STUM: variants seen among roughly 807,000 people sequenced by gnomAD.
STUM encodes the protein stum, mechanosensory transduction mediator homolog, also known as protein stum homolog.
A neutral mutation model predicts 15.3 loss-of-function variants in STUM; 8 were observed. The ratio of observed to expected loss-of-function variants is 0.52; its 90% CI spans 0.31 to 0.94. STUM has a LOEUF of 0.94. Among genes scored for constraint, STUM ranks in the 40% least tolerant of loss-of-function variants. The pLI, the probability that STUM is intolerant of heterozygous loss-of-function variation, is 0.05. For synonymous variants in STUM, 78 were observed against 88.7 expected (o/e 0.88, Z 0.68); for missense variants, 142 against 204.9 (o/e 0.69, Z 1.87).
chr1:226,564,133 C>G (rs1667584626), intron 1 of STUM, among the ~76,000 whole-genome samples: 1 of 152,194 alleles, frequency 6.6e-6, no homozygotes, highest in South Asian at 2.1e-4. Context: ...TGGCGAGATA[C>G]CCAATTACTT....
intron 1 of STUM, among the ~76,000 whole-genome samples, chr1:226,585,278 CCTGT>C (rs1416725418): frequency 6.6e-6 from 1 of 152,180 alleles, no homozygotes; most frequent in Non-Finnish European, 1.5e-5. Context: ...ATTAATAACT[CCTGT>C]CTGCCAAGAT....
chr1:226,566,419 G>T (rs1667627220), intron 1 of STUM, among the ~76,000 whole-genome samples: 1 of 152,122 alleles, frequency 6.6e-6, no homozygotes, highest in Non-Finnish European at 1.5e-5. Flanking sequence ...TAGAGATTCA[G>T]CCAGGCTAAA....
At chr1:226,592,947 A>G (rs1256677015) in intron 1 of STUM, among the ~76,000 whole-genome samples, 3 of 152,168 alleles carry the variant, frequency 2.0e-5, no homozygotes, top group Admixed American at 6.5e-5. Context: ...GCACTTTGGG[A>G]GGCCAAGGTG....
rs1667388269 is a variant in STUM, at chr1:226,552,474, A to G, written c.202+3368A>G. On this transcript the variant is annotated intron_variant, in intron 1 of 3. Transcript: ENST00000366788. The surrounding 1 kb of genome is among the most constrained non-coding windows in gnomAD (Gnocchi z 4.7). ...AATGAAAGTTCATTGTTATGCCCCAACATGGCCAGAGAGTTTGTCTAGTGG... is the reference window on the plus strand; with the variant it reads ...AATGAAAGTTCATTGTTATGCCCCAGCATGGCCAGAGAGTTTGTCTAGTGG... Among the ~76,000 whole-genome samples the G allele has an allele frequency of 2.0e-5, 3 of 152,190 alleles. No homozygotes were observed. The highest frequency in any genetic ancestry group is 7.2e-5 in the African/African-American group (3 of 41,458).
At chr1:226,583,747 C>T (rs924075580) in intron 1 of STUM, among the ~76,000 whole-genome samples, 17 of 152,216 alleles carry the variant, frequency 1.1e-4, no homozygotes, top group Non-Finnish European at 1.9e-4. Flanking sequence ...GTTACCCTAA[C>T]AGATTCTCTG....
intron 1 of STUM, among the ~76,000 whole-genome samples, chr1:226,579,455 G>C (rs1206593446): frequency 6.6e-6 from 1 of 152,178 alleles, no homozygotes; most frequent in Non-Finnish European, 1.5e-5. Context: ...TCTTCGAGGA[G>C]ATAGACGTTA....
At position 226,548,768 on chromosome 1, in the gene STUM, G is replaced by A. The variant is rs1667313269; in HGVS notation, c.-137G>A. 1.4e-5 allele frequency: 9 copies of A among 644,732 alleles called. No individual in the cohort carries two copies. In the South Asian group the frequency reaches 3.1e-4, roughly 22 times the overall value. 39.9% of individuals were successfully genotyped at this position (644,732 alleles called of 1,614,324 possible). A position where few individuals can be genotyped will look rare whatever the true frequency, so the allele number is the denominator to read the frequency against. ...CGCCGGAGGGCGGGAGTCTCCGCGA[G>A]CCGCGCGGCGCACGGAGCACGGCGG... On this transcript the variant is annotated 5_prime_UTR_variant, in exon 1 of 4. Coordinates refer to ENST00000366788, the MANE Select transcript of STUM (RefSeq NM_001003665.4).
intron 1 of STUM, among the ~76,000 whole-genome samples, chr1:226,580,307 G>A (rs1667897996): frequency 6.6e-6 from 1 of 152,076 alleles, no homozygotes; most frequent in South Asian, 2.1e-4. Flanking sequence ...AGAGGGTTTT[G>A]AAATATCCCA....
In STUM at chr1:226,602,259, C is replaced by T. The variant is rs1006412244; in HGVS notation, c.*219C>T. Reference sequence around the variant, plus strand: ...CTCCTGCTCTGGAAAGCACTGTGGGCGCAGGCACCAGAGCATCAGAGAGTG... The same window carrying T: ...CTCCTGCTCTGGAAAGCACTGTGGGTGCAGGCACCAGAGCATCAGAGAGTG... On this transcript the variant is annotated 3_prime_UTR_variant, in exon 4 of 4. Coordinates refer to ENST00000366788, the MANE Select transcript of STUM (RefSeq NM_001003665.4). 2.7e-5 allele frequency: 15 copies of T among 563,138 alleles called. No individual in the cohort carries two copies. The highest frequency in any genetic ancestry group is 4.8e-4 in the Middle Eastern group (1 of 2,082). 34.9% of individuals were successfully genotyped at this position (563,138 alleles called of 1,614,324 possible).
At chr1:226,591,144 T>C (rs976503981) in intron 1 of STUM, among the ~76,000 whole-genome samples, 1 of 152,264 alleles carries the variant, frequency 6.6e-6, no homozygotes, top group African/African-American at 2.4e-5. Flanking sequence ...TAAAACCATT[T>C]TTTAAATTTA....
chr1:226,585,046 G>T (rs1667975051), intron 1 of STUM, among the ~76,000 whole-genome samples: 1 of 152,196 alleles, frequency 6.6e-6, no homozygotes, highest in Non-Finnish European at 1.5e-5. Flanking sequence ...CGAAGCACTT[G>T]CCCATCTTGC....
At chr1:226,563,453 G>A (rs1250041612) in intron 1 of STUM, among the ~76,000 whole-genome samples, 1 of 152,252 alleles carries the variant, frequency 6.6e-6, no homozygotes, top group Non-Finnish European at 1.5e-5. Context: ...GGAGTATGAG[G>A]TGTTTTTCTG....
intron 1 of STUM, among the ~76,000 whole-genome samples, chr1:226,569,055 G>A (rs1468531989): frequency 7.2e-6 from 1 of 139,316 alleles, no homozygotes; most frequent in Non-Finnish European, 1.5e-5. Flanking sequence ...TCTCTTTTCT[G>A]GGGATGACTT....
chr1:226,589,408 A>G (rs978319885), intron 1 of STUM, among the ~76,000 whole-genome samples: 1 of 152,152 alleles, frequency 6.6e-6, no homozygotes, highest in Admixed American at 6.5e-5. Flanking sequence ...ACGGAAGTGG[A>G]GGGACCCTTT....
chr1:226,581,670 A>G (rs1667920945), intron 1 of STUM, among the ~76,000 whole-genome samples: 1 of 151,918 alleles, frequency 6.6e-6, no homozygotes, highest in African/African-American at 2.4e-5. Flanking sequence ...GTGGGGGAGG[A>G]TGGACAGCCA....
intron 1 of STUM, among the ~76,000 whole-genome samples, chr1:226,560,605 ACT>A (rs1467201037): frequency 3.9e-5 from 6 of 152,060 alleles, no homozygotes; most frequent in Admixed American, 2.0e-4. Context: ...GGAGTGAGTC[ACT>A]CTCTCTGGGA....
rs1668409868 is a variant in STUM, at chr1:226,609,089, A to AT, written c.*7050dup. On this transcript the variant is annotated 3_prime_UTR_variant, in exon 4 of 4. Coordinates refer to ENST00000366788, the MANE Select transcript of STUM (RefSeq NM_001003665.4). ...ACACACACCTTCCTATTATAAATAT[A>AT]TAAAGCATGACATCTCTTTGGCATT... is the stretch of plus-strand genomic sequence containing the variant. 6.6e-6 allele frequency: 1 copy of AT among 152,262 alleles called. No homozygotes were observed. Among genetic ancestry groups the AT allele is most frequent in the Non-Finnish European group, 1.5e-5 (1 of 68,042 alleles). The allele number at this position is 152,262 out of a possible 1,614,324, so 9.4% of individuals were successfully genotyped here.
At chr1:226,581,096 G>A (rs1166544178) in intron 1 of STUM, among the ~76,000 whole-genome samples, 1 of 152,242 alleles carries the variant, frequency 6.6e-6, no homozygotes, top group Non-Finnish European at 1.5e-5. Context: ...AGCAAAGTCT[G>A]GGGAAAGCAG....
chr1:226,570,161 A>G (rs903957099), intron 1 of STUM, among the ~76,000 whole-genome samples: 1 of 151,996 alleles, frequency 6.6e-6, no homozygotes, highest in African/African-American at 2.4e-5. Flanking sequence ...TGTCACCCGG[A>G]GCTCTGGTGG....
Sources: gnomAD v4.1 joint callset for allele counts (sites outside exome capture counted in the v4.1 genomes callset) on GRCh38, gnomAD v4.1.1 for gene constraint, Gnocchi (gnomAD v3.1) non-coding constraint, MANE v1.5 for transcripts, NCBI Gene and HGNC (gene_info 2026-07-23, HGNC 2026-07-21) for gene names.